RGS17: variants seen among roughly 807,000 people sequenced by gnomAD.
RGS17 encodes the protein regulator of G-protein signaling 17.
RGS17 carries 12 observed loss-of-function variants against 25.5 expected under a neutral mutation model. That is an observed-to-expected ratio of 0.47 (90% confidence interval 0.30 to 0.76). The LOEUF (loss-of-function observed/expected upper bound fraction) is 0.76, where lower values mean the gene tolerates loss of function less well. Among genes scored for constraint, RGS17 ranks in the 30% least tolerant of loss-of-function variants. The pLI is 0.07. For synonymous variants in RGS17, 71 were observed against 76.9 expected, an observed-to-expected ratio of 0.92 and a Z score of 0.40; for missense variants, 196 against 242.2, an observed-to-expected ratio of 0.81 and a Z score of 1.27.
At chr6:153,012,770 T>C (rs1344292015) in intron 4 of RGS17, among the ~76,000 whole-genome samples, 1 of 152,216 alleles carries the variant, frequency 6.6e-6, no homozygotes, top group African/African-American at 2.4e-5. Context: ...AAACCTTCCA[T>C]ATTTATATTT....
intron 2 of RGS17, among the ~76,000 whole-genome samples, chr6:153,034,208 C>T (rs929814366): frequency 6.6e-6 from 1 of 152,104 alleles, no homozygotes; most frequent in Admixed American, 6.6e-5. Flanking sequence ...TGCGGGGCTT[C>T]CTTGAGAACA....
In RGS17 at chr6:153,058,796, G is replaced by A. The variant is rs139624155; in HGVS notation, c.-25-14753C>T. Among the ~76,000 whole-genome samples, 384 of 152,206 alleles carry A rather than the reference G, an allele frequency of 2.5e-3. 1 individual carries two copies. Among genetic ancestry groups the A allele is most frequent in the Middle Eastern group, 0.014 (4 of 292 alleles). ...TAAGCCAGCATATATCTATGCAACTGAGCAAGCTTTCAATGTCACTTCTTA... is the reference window on the plus strand; with the variant it reads ...TAAGCCAGCATATATCTATGCAACTAAGCAAGCTTTCAATGTCACTTCTTA... On this transcript the variant is annotated intron_variant, in intron 1 of 4. Coordinates refer to ENST00000206262, the MANE Select transcript of RGS17 (RefSeq NM_012419.5).
intron 1 of RGS17, among the ~76,000 whole-genome samples, chr6:153,066,756 T>A (rs1776713255): frequency 6.6e-6 from 1 of 152,082 alleles, no homozygotes; most frequent in Admixed American, 6.6e-5. Flanking sequence ...CATATGAACA[T>A]GTCAGCTGGG....
At chr6:153,055,408 T>C (rs1024136929) in intron 1 of RGS17, among the ~76,000 whole-genome samples, 2 of 152,206 alleles carry the variant, frequency 1.3e-5, no homozygotes, top group African/African-American at 4.8e-5. Context: ...TTTTTGAATA[T>C]GTGGAGGTCA....
intron 1 of RGS17, among the ~76,000 whole-genome samples, chr6:153,045,165 A>G (rs1219474219): frequency 6.6e-6 from 1 of 152,190 alleles, no homozygotes; most frequent in Non-Finnish European, 1.5e-5. Flanking sequence ...ATATTTTTCG[A>G]CCAGAAACAG....
intron 1 of RGS17, among the ~76,000 whole-genome samples, chr6:153,112,319 T>C (rs1376851505): frequency 1.3e-5 from 2 of 152,132 alleles, no homozygotes; most frequent in Non-Finnish European, 2.9e-5. Context: ...GAAGAAAGGA[T>C]ATCAGAGATT....
chr6:153,024,518 G>A (rs773757477), intron 3 of RGS17, 22 bp from the exon 4 acceptor site: 14 of 1,542,400 alleles, frequency 9.1e-6, no homozygotes, highest in East Asian at 2.2e-5. Flanking sequence ...GAACGGGGCC[G>A]TGATCAAAGG....
intron 2 of RGS17, among the ~76,000 whole-genome samples, chr6:153,041,120 G>A (rs1294568376): frequency 1.3e-5 from 2 of 152,048 alleles, no homozygotes; most frequent in African/African-American, 4.8e-5. Flanking sequence ...AGCTGTGACT[G>A]TGCCACTGCA....
At chr6:153,070,884 CATATGTACATATGCGT>C (rs1224491301) in intron 1 of RGS17, among the ~76,000 whole-genome samples, 2 of 149,484 alleles carry the variant, frequency 1.3e-5, no homozygotes, top group East Asian at 2.0e-4. Flanking sequence ...CCCATATACG[CATATGTACATATGCGT>C]ATATGTACAT....
intron 1 of RGS17, among the ~76,000 whole-genome samples, chr6:153,118,037 T>C (rs1045779158): frequency 2.0e-5 from 3 of 152,180 alleles, no homozygotes; most frequent in Admixed American, 2.0e-4. Context: ...GAATGGAAAC[T>C]TGAATGATGA....
intron 4 of RGS17, among the ~76,000 whole-genome samples, chr6:153,023,239 G>A (rs1028387396): frequency 6.6e-6 from 1 of 152,168 alleles, no homozygotes; most frequent in Admixed American, 6.5e-5. Flanking sequence ...GCCAGGTATT[G>A]GAGGAGGAAC....
At chr6:153,019,548 T>C (rs1367630014) in intron 4 of RGS17, among the ~76,000 whole-genome samples, 7 of 152,174 alleles carry the variant, frequency 4.6e-5, no homozygotes, top group African/African-American at 7.2e-5. Context: ...AGATTTCTCA[T>C]GAATGCTTTA....
rs564595590 is a variant in RGS17 at position 153,052,826 on chromosome 6, T to C, written c.-25-8783A>G. On this transcript the variant is annotated intron_variant, in intron 1 of 4. Coordinates refer to ENST00000206262, the MANE Select transcript of RGS17 (RefSeq NM_012419.5). ...GTTGAAATCTAATCTCAGGGTGATA[T>C]TAAGAGGTGGGGCCTATGGACGGGG... 6.7e-4 allele frequency among the ~76,000 whole-genome samples: 102 copies of C among 152,216 alleles called. No individual in the cohort carries two copies. In the South Asian group the frequency reaches 9.3e-3, roughly 14 times the overall value.
chr6:153,089,541 A>C (rs898530004), intron 1 of RGS17, among the ~76,000 whole-genome samples: 7 of 152,118 alleles, frequency 4.6e-5, no homozygotes, highest in African/African-American at 1.7e-4. Flanking sequence ...TCTGCGTGTA[A>C]GAAAATGATA....
chr6:153,070,794 TACATATACATATAC>T (rs1395491589), intron 1 of RGS17, among the ~76,000 whole-genome samples: 2 of 150,880 alleles, frequency 1.3e-5, no homozygotes, highest in African/African-American at 4.9e-5. Flanking sequence ...TATATACACA[TACATATACATATAC>T]ACATATACAT....
intron 1 of RGS17, among the ~76,000 whole-genome samples, chr6:153,067,347 G>A (rs1020785502): frequency 5.3e-5 from 8 of 152,032 alleles, no homozygotes; most frequent in Admixed American, 3.3e-4. Context: ...AAGGGCATTC[G>A]AATTGGAAAG....
chr6:153,007,041 A>C lies in RGS17; in HGVS notation c.*4533T>G, dbSNP rs1779083361. 1 of 152,234 alleles carries C rather than the reference A, an allele frequency of 6.6e-6. No homozygotes were observed. Among genetic ancestry groups the C allele is most frequent in the African/African-American group, 2.4e-5 (1 of 41,470 alleles). 9.4% of individuals were successfully genotyped at this position (152,234 alleles called of 1,614,324 possible). The stretch of plus-strand genomic sequence containing the variant: ...CCTAGGGCAACATTTTGCCTTTTGT[A>C]GTGTTTTCAGTAGAGTCAAAGTCTT... On this transcript the variant is annotated 3_prime_UTR_variant, in exon 5 of 5. Transcript: ENST00000206262.
chr6:153,039,914 T>C (rs1390516712), intron 2 of RGS17, among the ~76,000 whole-genome samples: 2 of 152,208 alleles, frequency 1.3e-5, no homozygotes, highest in African/African-American at 4.8e-5. Context: ...GTTTTCTTTC[T>C]TATAAAGAAA....
At chr6:153,024,140 T>G in intron 4 of RGS17, 122 bp downstream of exon 4, 1 of 641,308 alleles carries the variant, frequency 1.6e-6, no homozygotes, top group East Asian at 2.7e-5. Context: ...GAAGCTGAAT[T>G]ATCTACCCAG....
Sources: gnomAD v4.1 joint callset for allele counts (sites outside exome capture counted in the v4.1 genomes callset) on GRCh38, gnomAD v4.1.1 for gene constraint, MANE v1.5 for transcripts, NCBI Gene and HGNC (gene_info 2026-07-23, HGNC 2026-07-21) for gene names.